The following SCUBE2 variants were observed in gnomAD, a reference collection of about 807,000 sequenced individuals.
SCUBE2 encodes signal peptide, CUB and EGF-like domain-containing protein 2.
Under a neutral mutation model 125.9 loss-of-function variants are expected in SCUBE2, and 114 were observed. That is an observed-to-expected ratio of 0.91 (90% CI 0.78 to 1.06). SCUBE2 has a LOEUF of 1.06. Among genes scored for constraint, SCUBE2 ranks in the 50% least tolerant of loss-of-function variants. SCUBE2 has a pLI of 0.00. For synonymous variants in SCUBE2, 459 were observed against 492.9 expected (o/e 0.93, Z 0.91); for missense variants, 1,255 against 1,301.8 (o/e 0.96, Z 0.55).
Position 9,085,731 on chromosome 11 carries a change from TA to T in SCUBE2, c.256+3975del, listed in dbSNP as rs896986043. Among the ~76,000 whole-genome samples the T allele has an allele frequency of 6.0e-5, 9 of 150,258 alleles. No individual in the cohort carries two copies. The South Asian group carries it at 1.0e-3, about 17-fold the overall frequency. ...ACAAAGCGAGACTGTGTCTCAAAAA[TA>T]AAAAAATTAAAAAAGAAAAGAAAAG... is the stretch of plus-strand genomic sequence containing the variant. On this transcript the variant is annotated intron_variant, in intron 2 of 22. Coordinates refer to ENST00000649792, the MANE Select transcript of SCUBE2 (RefSeq NM_001367977.2).
intron 9 of SCUBE2, among the ~76,000 whole-genome samples, chr11:9,057,706 T>C (rs1859219899): frequency 6.6e-6 from 1 of 152,016 alleles, no homozygotes; most frequent in Non-Finnish European, 1.5e-5. Flanking sequence ...CTAATTTTTG[T>C]ATTTTTAGTA....
Position 9,091,381 on chromosome 11 carries a change from C to T in SCUBE2, c.133+15G>A. ...GCCTGCTGTGCCAGGTGCGCCCCCG[C>T]GGCCGGACACTCACCCTCCTGCGGC... On this transcript the variant is annotated intron_variant, in intron 1 of 22. Coordinates refer to ENST00000649792, the MANE Select transcript of SCUBE2 (RefSeq NM_001367977.2). The surrounding 1 kb of genome is among the most constrained non-coding windows in gnomAD (Gnocchi z 8.5). 2 of 1,303,428 alleles carry T rather than the reference C, an allele frequency of 1.5e-6. No homozygotes were observed. Among genetic ancestry groups the T allele is most frequent in the Non-Finnish European group, 1.9e-6 (2 of 1,031,694 alleles). The allele number at this position is 1,303,428 out of a possible 1,614,324, so 80.7% of individuals were successfully genotyped here. A position where few individuals can be genotyped will look rare whatever the true frequency, so the allele number is the denominator to read the frequency against.
chr11:9,044,015 A>G (rs575613492), intron 16 of SCUBE2, among the ~76,000 whole-genome samples: 1 of 152,316 alleles, frequency 6.6e-6, no homozygotes, highest in South Asian at 2.1e-4. Flanking sequence ...ATCCTTCAGA[A>G]ATATTGGCCA....
chr11:9,021,222 C>T, intron 22 of SCUBE2, 25 bp from the exon 23 acceptor site: 1 of 1,529,476 alleles, frequency 6.5e-7, no homozygotes, highest in Non-Finnish European at 8.8e-7. Context: ...ATTTTTGTTA[C>T]TGGGCCAAAA....
intron 2 of SCUBE2, among the ~76,000 whole-genome samples, chr11:9,088,901 T>C (rs1456179409): frequency 6.6e-6 from 1 of 152,146 alleles, no homozygotes; most frequent in Non-Finnish European, 1.5e-5. Flanking sequence ...TGCAGGCAAC[T>C]TGTGTGATCA....
intron 16 of SCUBE2, among the ~76,000 whole-genome samples, chr11:9,034,523 T>C (rs1441220550): frequency 6.6e-6 from 1 of 152,110 alleles, no homozygotes; most frequent in Non-Finnish European, 1.5e-5. Context: ...GAGTCTAGCC[T>C]TGGCAACATA....
At chr11:9,030,093 T>C (rs1224339763) in intron 18 of SCUBE2, 48 bp from the exon 19 acceptor site, 2 of 1,581,068 alleles carry the variant, frequency 1.3e-6, no homozygotes, top group South Asian at 2.3e-5. Context: ...AAAGATTATT[T>C]TTAATCAAAT....
chr11:9,070,578 A>G (rs1431301728), intron 4 of SCUBE2, among the ~76,000 whole-genome samples: 3 of 152,206 alleles, frequency 2.0e-5, no homozygotes, highest in Non-Finnish European at 4.4e-5. Context: ...CTCTCTATCA[A>G]TGAGACACTC....
chr11:9,086,505 T>C (rs1322167558), intron 2 of SCUBE2, among the ~76,000 whole-genome samples: 1 of 152,214 alleles, frequency 6.6e-6, no homozygotes, highest in African/African-American at 2.4e-5. Context: ...CTCCTTTTCC[T>C]TCTTGGGAGA....
Position 9,021,198 on chromosome 11 carries a change from C to T in SCUBE2, c.2935-1G>A, listed in dbSNP as rs766764062. The T allele has an allele frequency of 6.5e-7, 1 of 1,549,440 alleles. No homozygotes were observed. Among genetic ancestry groups the T allele is most frequent in the African/African-American group, 1.4e-5 (1 of 72,326 alleles). On this transcript the variant is annotated splice_acceptor_variant, in intron 22 of 22. Coordinates refer to ENST00000649792, the MANE Select transcript of SCUBE2 (RefSeq NM_001367977.2). LOFTEE classifies it high-confidence loss of function. ...ACAGAGCCTTGATAAGTTTCTTATC[C>T]TAAAAAGAACAGAATTTTTGTTACT...
intron 2 of SCUBE2, among the ~76,000 whole-genome samples, chr11:9,080,528 A>G (rs1861546128): frequency 6.6e-6 from 1 of 151,862 alleles, no homozygotes; most frequent in African/African-American, 2.4e-5. Flanking sequence ...GTGCACGCCT[A>G]TAGTCCCAGC....
intron 16 of SCUBE2, among the ~76,000 whole-genome samples, chr11:9,036,976 T>C (rs1164071229): frequency 2.0e-5 from 3 of 152,248 alleles, no homozygotes; most frequent in Non-Finnish European, 4.4e-5. Flanking sequence ...TCAGTCACAG[T>C]GTCCATTTTC....
intron 14 of SCUBE2, among the ~76,000 whole-genome samples, chr11:9,048,591 G>A (rs544665950): frequency 8.5e-5 from 13 of 152,172 alleles, no homozygotes; most frequent in South Asian, 2.1e-4. Context: ...TGGAACACCC[G>A]TCAGCAGTGA....
At chr11:9,089,941 G>T in intron 1 of SCUBE2, 112 bp from the exon 2 acceptor site, 1 of 1,349,394 alleles carries the variant, frequency 7.4e-7, no homozygotes, top group Non-Finnish European at 9.9e-7. Context: ...CTCCTCACAA[G>T]CTACAGCTGC....
intron 1 of SCUBE2, chr11:9,090,389 C>A (rs1237823230): frequency 6.5e-6 from 1 of 153,694 alleles, no homozygotes; most frequent in Non-Finnish European, 1.5e-5. Flanking sequence ...CAACACAGCC[C>A]GTGGGCTACG....
intron 2 of SCUBE2, among the ~76,000 whole-genome samples, chr11:9,087,048 A>T (rs1862150997): frequency 6.6e-6 from 1 of 152,038 alleles, no homozygotes; most frequent in South Asian, 2.1e-4. Context: ...CACATTTTGT[A>T]TTATTTGACT....
rs1860279293 is a variant in SCUBE2, at chr11:9,066,762, G to A, written c.695C>T (p.Ala232Val). 1 of 1,614,154 alleles carries A rather than the reference G, an allele frequency of 6.2e-7. No individual in the cohort carries two copies. The highest frequency in any genetic ancestry group is 1.7e-5 in the Admixed American group (1 of 60,018). ...GGCQHSCDDT[A>V]DGPECSCHPQ... is the part of the protein sequence containing the mutation. Reference sequence around the variant, plus strand: ...ATGGCAGCTGCACTCTGGGCCATCGGCTGTATCGTCACAGGAGTGCTGGCA... The same window carrying A: ...ATGGCAGCTGCACTCTGGGCCATCGACTGTATCGTCACAGGAGTGCTGGCA... Residue 232 changes from alanine (A) to valine (V), a missense_variant, in exon 6 of 23, where the codon GCC becomes GTC. Physicochemically the swap from Ala to Val is moderately conservative, Grantham distance 64. Transcript: ENST00000649792.
chr11:9,066,568 G>A, intron 6 of SCUBE2, 129 bp downstream of exon 6: 2 of 748,308 alleles, frequency 2.7e-6, no homozygotes, highest in Admixed American at 2.0e-5. Flanking sequence ...ATGCGAAGCA[G>A]CACAGGGCCT....
In SCUBE2 at chr11:9,060,452, C is replaced by G. The variant is rs981346476; in HGVS notation, c.923G>C (p.Cys308Ser). Reference protein sequence around the residue: ...KDTSTGVHCSCPVGFTLQLDG... With the variant: ...KDTSTGVHCSSPVGFTLQLDG... ...CAACTGGAGAGTGAATCCAACAGGA[C>G]AACTGCAGTGGACACCTGTCGAAGT... The change falls in exon 8 of 23, where the codon TGT becomes TCT. Residue 308 changes from cysteine to serine, a missense_variant. Physicochemically the swap from Cys to Ser is moderately radical, Grantham distance 112 (BLOSUM62 -1). Around this residue, in one of 3 missense-constraint regions of SCUBE2, gnomAD observed 378 missense variants for 463.1 expected, o/e 0.82. Transcript: ENST00000649792. 7 of 1,614,136 alleles carry G rather than the reference C, an allele frequency of 4.3e-6. No individual in the cohort carries two copies. Among genetic ancestry groups the G allele is most frequent in the Non-Finnish European group, 3.4e-6 (4 of 1,179,974 alleles).
Sources: gnomAD v4.1 joint callset for allele counts (sites outside exome capture counted in the v4.1 genomes callset) on GRCh38, gnomAD v4.1.1 for gene constraint, gnomAD v4.1.1 regional missense constraint, Gnocchi (gnomAD v3.1) non-coding constraint, MANE v1.5 for transcripts, NCBI Gene and HGNC (gene_info 2026-07-23, HGNC 2026-07-21) for gene names.